Variants in OTUD7B observed in about 807,000 individuals in gnomAD.
OTUD7B encodes OTU domain-containing protein 7B.
A neutral mutation model predicts 82.2 loss-of-function variants in OTUD7B; 34 were observed. The ratio of observed to expected loss-of-function variants is 0.41; its 90% CI spans 0.31 to 0.55. The LOEUF (loss-of-function observed/expected upper bound fraction) is 0.55, where lower values mean the gene tolerates loss of function less well. Ranked by LOEUF, OTUD7B falls within the 20% of genes least tolerant of loss-of-function variation. OTUD7B has a pLI of 0.20. For missense variants in OTUD7B, 944 were observed against 1,062.1 expected, an observed-to-expected ratio of 0.89 and a Z score of 1.55; for synonymous variants, 398 against 402.7, an observed-to-expected ratio of 0.99 and a Z score of 0.14.
intron 1 of OTUD7B, among the ~76,000 whole-genome samples, chr1:150,007,509 C>T (rs997586290): frequency 2.6e-5 from 4 of 152,174 alleles, no homozygotes; most frequent in African/African-American, 9.7e-5. Flanking sequence ...AATGTTAAAG[C>T]TCATAATAGT....
chr1:149,998,523 A>C (rs939636569), intron 1 of OTUD7B, among the ~76,000 whole-genome samples: 9 of 152,178 alleles, frequency 5.9e-5, no homozygotes, highest in Admixed American at 5.9e-4. Context: ...CTCCACCTTG[A>C]ATGTTTCCCC....
chr1:149,955,217 G>C (rs1175785482), intron 7 of OTUD7B, among the ~76,000 whole-genome samples: 1 of 152,138 alleles, frequency 6.6e-6, no homozygotes, highest in African/African-American at 2.4e-5. Flanking sequence ...CTTTGAATGT[G>C]TCCCAGAGAT....
the OTUD7B span, among the ~76,000 whole-genome samples, chr1:150,047,295 A>G: frequency 1.3e-5 from 2 of 152,014 alleles, no homozygotes; most frequent in Non-Finnish European, 2.9e-5. Flanking sequence ...TTTTTGCTCA[A>G]TGTTCATTTT....
chr1:150,067,648 C>A, the OTUD7B span: 334 of 543,548 alleles, frequency 6.1e-4, 1 homozygote, highest in Non-Finnish European at 1.0e-3. Context: ...CGGCCCAGGC[C>A]GTCTCAGCCG....
At chr1:150,002,616 G>A (rs917481261) in intron 1 of OTUD7B, among the ~76,000 whole-genome samples, 1 of 152,176 alleles carries the variant, frequency 6.6e-6, no homozygotes, top group African/African-American at 2.4e-5. Context: ...ATGGGACTTG[G>A]GAGAGAAGAG....
intron 6 of OTUD7B, among the ~76,000 whole-genome samples, chr1:149,960,230 T>C (rs1649042630): frequency 6.6e-6 from 1 of 152,036 alleles, no homozygotes; most frequent in African/African-American, 2.4e-5. Flanking sequence ...CTAAATTCTG[T>C]CTGCCCCCAA....
upstream of OTUD7B, among the ~76,000 whole-genome samples, chr1:150,011,841 C>T (rs1239256997): frequency 6.6e-6 from 1 of 152,170 alleles, no homozygotes; most frequent in Non-Finnish European, 1.5e-5. Flanking sequence ...ACTTTTCTTT[C>T]CCCTCACTTC....
At chr1:150,033,312 T>C in the OTUD7B span, among the ~76,000 whole-genome samples, 1 of 152,160 alleles carries the variant, frequency 6.6e-6, no homozygotes, top group Admixed American at 6.5e-5. Flanking sequence ...AAAAATCTAA[T>C]AATAAAATAA....
At chr1:149,952,827 C>T (rs1285639202) in intron 7 of OTUD7B, among the ~76,000 whole-genome samples, 1 of 152,156 alleles carries the variant, frequency 6.6e-6, no homozygotes, top group African/African-American at 2.4e-5. Flanking sequence ...TTTCATGTGT[C>T]TGTTGGCTGC....
At chr1:149,956,967 C>T (rs1182972441) in intron 7 of OTUD7B, among the ~76,000 whole-genome samples, 4 of 152,140 alleles carry the variant, frequency 2.6e-5, no homozygotes, top group African/African-American at 7.2e-5. Context: ...AGCTTCTTTG[C>T]GATGGGTTCG....
the OTUD7B span, among the ~76,000 whole-genome samples, chr1:150,057,903 G>A: frequency 1.3e-5 from 2 of 152,176 alleles, no homozygotes; most frequent in Non-Finnish European, 2.9e-5. Flanking sequence ...TGTATAGCTA[G>A]CTAACATCAC....
intron 1 of OTUD7B, among the ~76,000 whole-genome samples, chr1:149,996,383 C>CA (rs1223373818): frequency 1 from 151,430 of 152,130 alleles, 75,366 homozygotes; most frequent in Middle Eastern, 1. Context: ...ACAACAACAA[C>CA]AAAAAAAACT....
At chr1:150,015,386 C>T (rs1000965149), upstream of OTUD7B, among the ~76,000 whole-genome samples, 4 of 150,760 alleles carry the variant, frequency 2.7e-5, 1 homozygote, top group African/African-American at 7.4e-5. Flanking sequence ...CTCCACCTCC[C>T]GGGTTCAAGC....
At chr1:149,982,136 G>A (rs587628231) in intron 1 of OTUD7B, among the ~76,000 whole-genome samples, 17 of 151,534 alleles carry the variant, frequency 1.1e-4, no homozygotes, top group South Asian at 6.2e-4. Context: ...GCGACAGAGC[G>A]AGACTCCATC....
chr1:150,010,905 C>T (rs1653006107), upstream of OTUD7B, among the ~76,000 whole-genome samples: 1 of 152,174 alleles, frequency 6.6e-6, no homozygotes, highest in Non-Finnish European at 1.5e-5. Flanking sequence ...CGTGTTTTCC[C>T]GACCCGAGTC....
intron 1 of OTUD7B, among the ~76,000 whole-genome samples, chr1:149,990,394 T>C (rs587665249): frequency 3.3e-5 from 5 of 152,330 alleles, no homozygotes; most frequent in East Asian, 1.9e-4. Flanking sequence ...TAGCAAATAT[T>C]TGTGGTTCTA....
chr1:150,066,804 G>A, the OTUD7B span, among the ~76,000 whole-genome samples: 7 of 152,194 alleles, frequency 4.6e-5, no homozygotes, highest in Non-Finnish European at 1.0e-4. The surrounding 1 kb of genome is among the most constrained non-coding windows in gnomAD (Gnocchi z 4.6). Flanking sequence ...CATGATAGAG[G>A]GGAGACCTGT....
the OTUD7B span, among the ~76,000 whole-genome samples, chr1:150,036,267 T>TTA: frequency 6.7e-6 from 1 of 150,050 alleles, no homozygotes; most frequent in East Asian, 2.0e-4. Flanking sequence ...TGTAACTTTT[T>TTA]TTTTTTTTTT....
the OTUD7B span, among the ~76,000 whole-genome samples, chr1:150,057,701 T>A: frequency 6.6e-6 from 1 of 152,226 alleles, no homozygotes; most frequent in African/African-American, 2.4e-5. Flanking sequence ...ATAAAATTAT[T>A]GCCCATGATT....
Sources: gnomAD v4.1 joint callset for allele counts (sites outside exome capture counted in the v4.1 genomes callset) on GRCh38, gnomAD v4.1.1 for gene constraint, Gnocchi (gnomAD v3.1) non-coding constraint, MANE v1.5 for transcripts, NCBI Gene and HGNC (gene_info 2026-07-23, HGNC 2026-07-21) for gene names.